Variants in HDX observed in about 807,000 individuals in gnomAD.
HDX encodes chromosome X open reading frame 43.
Under a neutral mutation model 45.2 loss-of-function variants are expected in HDX, and 19 were observed. The observed-to-expected ratio is 0.42, with a 90% CI of 0.29 to 0.62. The LOEUF (loss-of-function observed/expected upper bound fraction) is 0.62, where lower values mean the gene tolerates loss of function less well. Ranked by LOEUF, HDX falls within the 20% of genes least tolerant of loss-of-function variation. The pLI is 0.20. For synonymous variants in HDX, 188 were observed against 172.8 expected (o/e 1.09, Z -0.69); for missense variants, 532 against 493.9 (o/e 1.08, Z -0.73).
chrX:84,321,890 C>T lies in HDX; in HGVS notation c.2072G>A (p.Ter691=). 8.4e-7 allele frequency: 1 copy of T among 1,187,783 alleles called. No individual in the cohort carries two copies. Residue 691 remains the stop codon, a stop_retained_variant, in exon 11 of 11, where the codon TGA becomes TAA. Transcript: ENST00000373177. ...ATCATATATTCCCTCCAACTGAAAT[C>T]ACAAACTTTCTGAGACATTTTTCTC... The part of the protein sequence containing the change: ...LSEKNVSESL[*]
chrX:84,419,867 C>A (rs1007283874), intron 5 of HDX, among the ~76,000 whole-genome samples: 1 of 112,015 alleles, frequency 8.9e-6, no homozygotes, highest in Non-Finnish European at 1.9e-5. Flanking sequence ...GAACAAAATT[C>A]TCTGCCTGGT....
chrX:84,422,663 G>GTTTTTT (rs779557860), intron 5 of HDX, among the ~76,000 whole-genome samples: 10 of 64,933 alleles, frequency 1.5e-4, no homozygotes, highest in African/African-American at 2.8e-4. Flanking sequence ...GAAATAAAAG[G>GTTTTTT]TTTTTTTTTT....
At chrX:84,370,124 T>C (rs1256486864) in intron 5 of HDX, among the ~76,000 whole-genome samples, 1 of 111,978 alleles carries the variant, frequency 8.9e-6, no homozygotes, top group Non-Finnish European at 1.9e-5. Context: ...AAAGCCTGAG[T>C]ATGAAAGAAT....
intron 5 of HDX, among the ~76,000 whole-genome samples, chrX:84,389,735 G>T (rs1426085409): frequency 9.0e-6 from 1 of 111,026 alleles, no homozygotes; most frequent in Non-Finnish European, 1.9e-5. Flanking sequence ...GAGAAAAATG[G>T]GGAGTGCTGG....
At chrX:84,499,583 A>G (rs994536194) in intron 1 of HDX, among the ~76,000 whole-genome samples, 3 of 111,954 alleles carry the variant, frequency 2.7e-5, no homozygotes, top group African/African-American at 9.7e-5. Flanking sequence ...ACAATGAATA[A>G]CATTCATGGT....
intron 5 of HDX, among the ~76,000 whole-genome samples, chrX:84,408,499 GT>G (rs1220751208): frequency 1.6e-3 from 73 of 44,426 alleles, no homozygotes; most frequent in Admixed American, 6.0e-3. Flanking sequence ...CTCCAGCTTT[GT>G]TTTTTTTTTT....
chrX:84,353,006 T>A (rs1488766694), intron 6 of HDX, among the ~76,000 whole-genome samples: 1 of 111,768 alleles, frequency 8.9e-6, no homozygotes, highest in African/African-American at 3.2e-5. Flanking sequence ...TTTCTATTTA[T>A]CTTCCACTTC....
rs1414562478 is a variant in HDX, at chrX:84,362,610, G to T, written c.1306-998C>A. On this transcript the variant is annotated intron_variant, in intron 5 of 10. Transcript: ENST00000373177. ...AGAGAGAGAGAGAGACTGTGAGAGT[G>T]AATCTGGGACAACTGTTGCAATTCC... Among the ~76,000 whole-genome samples the T allele has an allele frequency of 3.6e-5, 4 of 110,539 alleles. No individual in the cohort carries two copies. The Admixed American group carries it at 3.9e-4, about 11-fold the overall frequency.
rs921785702 is a variant in HDX at position 84,318,292 on chromosome X, CT to C, written c.*3596del. ...TGCTGTCTGCCAAGGAAAATACCAACTTCAAAGAGAAATCTACCCATTTACC... is the reference window on the plus strand; with the variant it reads ...TGCTGTCTGCCAAGGAAAATACCAACTCAAAGAGAAATCTACCCATTTACC... On this transcript the variant is annotated 3_prime_UTR_variant, in exon 11 of 11. Coordinates refer to ENST00000373177, the MANE Select transcript of HDX (RefSeq NM_001177479.2). 1.8e-5 allele frequency: 2 copies of C among 110,105 alleles called. No individual in the cohort carries two copies. The highest frequency in any genetic ancestry group is 3.8e-5 in the Non-Finnish European group (2 of 52,293). 9.1% of individuals were successfully genotyped at this position (110,105 alleles called of 1,213,427 possible).
intron 5 of HDX, among the ~76,000 whole-genome samples, chrX:84,391,305 C>T: frequency 8.9e-6 from 1 of 111,896 alleles, no homozygotes; most frequent in South Asian, 3.7e-4. Flanking sequence ...GATTGAATAA[C>T]ATACCATTGT....
At chrX:84,326,448 A>G in intron 9 of HDX, 148 bp from the exon 10 acceptor site, 1 of 432,839 alleles carries the variant, frequency 2.3e-6, no homozygotes, top group Non-Finnish European at 3.9e-6. Context: ...CAAAGCATGG[A>G]AGAAAATGAT....
chrX:84,361,632 A>G lies in HDX; in HGVS notation c.1306-20T>C, dbSNP rs1267250593. 5 of 1,110,590 alleles carry G rather than the reference A, an allele frequency of 4.5e-6. No homozygotes were observed. The South Asian group carries it at 1.2e-4, about 26-fold the overall frequency. The allele number at this position is 1,110,590 out of a possible 1,213,427, so 91.5% of individuals were successfully genotyped here. A position where few individuals can be genotyped will look rare whatever the true frequency, so the allele number is the denominator to read the frequency against. ...CTGTAGCTGAAAAACACATTTTTAA[A>G]TTGTTTTGAATTTTAAAGTTTAGAA... On this transcript the variant is annotated intron_variant, in intron 5 of 10. Coordinates refer to ENST00000373177, the MANE Select transcript of HDX (RefSeq NM_001177479.2).
chrX:84,374,840 A>C (rs1288061410), intron 5 of HDX, among the ~76,000 whole-genome samples: 1 of 92,398 alleles, frequency 1.1e-5, no homozygotes. Flanking sequence ...ATGGGCAAGG[A>C]CTTCATGTCT....
chrX:84,481,705 A>AT (rs1218591155), intron 2 of HDX, among the ~76,000 whole-genome samples: 1 of 110,073 alleles, frequency 9.1e-6, no homozygotes, highest in African/African-American at 3.3e-5. Context: ...CTCAAACTTT[A>AT]TTTTTTATCT....
chrX:84,371,984 G>C (rs1197283728), intron 5 of HDX, among the ~76,000 whole-genome samples: 1 of 111,229 alleles, frequency 9.0e-6, no homozygotes, highest in African/African-American at 3.3e-5. Flanking sequence ...TGGAGAGTTT[G>C]GTTAAAAAAT....
At chrX:84,338,941 C>A (rs2037026040) in intron 7 of HDX, among the ~76,000 whole-genome samples, 1 of 111,419 alleles carries the variant, frequency 9.0e-6, no homozygotes, top group Admixed American at 9.6e-5. Flanking sequence ...CTTTCACCTT[C>A]TGCCATTATT....
At chrX:84,418,943 G>A (rs373158710) in intron 5 of HDX, among the ~76,000 whole-genome samples, 3 of 111,590 alleles carry the variant, frequency 2.7e-5, no homozygotes, top group African/African-American at 9.8e-5. Flanking sequence ...TTGGATACTA[G>A]CTCAGCAACA....
intron 2 of HDX, among the ~76,000 whole-genome samples, chrX:84,475,762 A>G (rs1447201689): frequency 1.8e-5 from 2 of 112,071 alleles, no homozygotes; most frequent in Non-Finnish European, 3.8e-5. Flanking sequence ...GCCATACGTG[A>G]TCAATTATCA....
chrX:84,398,040 G>C (rs2038606288), intron 5 of HDX, among the ~76,000 whole-genome samples: 1 of 110,025 alleles, frequency 9.1e-6, no homozygotes, highest in African/African-American at 3.3e-5. Flanking sequence ...GTGACCCACA[G>C]AGAGAAAGGA....
Sources: allele counts gnomAD v4.1 joint callset (sites outside exome capture counted in the v4.1 genomes callset), GRCh38; gene constraint gnomAD v4.1.1; transcripts MANE v1.5; gene names NCBI Gene and HGNC (gene_info 2026-07-23, HGNC 2026-07-21).